The following CDH13 variants were observed in gnomAD, a reference collection of about 807,000 sequenced individuals.
CDH13 encodes the protein cadherin 13.
Under a neutral mutation model 63.8 loss-of-function variants are expected in CDH13, and 24 were observed. That is an observed-to-expected ratio of 0.38 (90% confidence interval 0.27 to 0.53). CDH13 has a LOEUF of 0.53. Ranked by LOEUF, CDH13 falls within the 20% of genes least tolerant of loss-of-function variation. The pLI, the probability that CDH13 is intolerant of heterozygous loss-of-function variation, is 0.85. For synonymous variants in CDH13, 503 were observed against 355.3 expected, an observed-to-expected ratio of 1.42 and a Z score of -4.67; for missense variants, 1,049 against 903.1, an observed-to-expected ratio of 1.16 and a Z score of -2.07.
chr16:82,884,248 G>A (rs540339179), intron 2 of CDH13: 6 of 453,886 alleles, frequency 1.3e-5, no homozygotes, highest in Admixed American at 7.1e-5. Flanking sequence ...GGGCTCCCAT[G>A]AGAAGGAAAT....
intron 1 of CDH13, chr16:82,723,128 C>G (rs2032881711): frequency 6.6e-6 from 1 of 152,272 alleles, no homozygotes; most frequent in Non-Finnish European, 1.5e-5. Context: ...GGGGAACAGT[C>G]TGGGGAAGGA....
At chr16:83,489,996 G>C (rs1019233300) in intron 7 of CDH13, among the ~76,000 whole-genome samples, 1 of 143,762 alleles carries the variant, frequency 7.0e-6, no homozygotes, top group Non-Finnish European at 1.5e-5. Flanking sequence ...TTCAAGAGCA[G>C]GAGCTGCAGA....
At chr16:83,207,020 T>G (rs931463819) in intron 4 of CDH13, among the ~76,000 whole-genome samples, 1 of 152,178 alleles carries the variant, frequency 6.6e-6, no homozygotes, top group Non-Finnish European at 1.5e-5. Context: ...AGCAAGGACA[T>G]AGAGGATCTG....
At chr16:83,344,631 A>G (rs1022871011) in intron 5 of CDH13, among the ~76,000 whole-genome samples, 2 of 152,266 alleles carry the variant, frequency 1.3e-5, no homozygotes, top group East Asian at 1.9e-4. Context: ...CGATTTGATG[A>G]ATTAATTGTA....
At chr16:83,784,768 CCACCACCATCAT>C (rs2151013528) in intron 13 of CDH13, among the ~76,000 whole-genome samples, 1 of 152,160 alleles carries the variant, frequency 6.6e-6, no homozygotes, top group Non-Finnish European at 1.5e-5. Context: ...GATGACTGTA[CCACCACCATCAT>C]CATCACCATC....
chr16:83,121,083 G>T (rs528047957), intron 3 of CDH13, among the ~76,000 whole-genome samples: 25 of 152,036 alleles, frequency 1.6e-4, no homozygotes, highest in Non-Finnish European at 3.1e-4. Context: ...TTTGTTTAGT[G>T]TTGGGTTCGT....
At chr16:83,187,042 C>T (rs766338197) in intron 4 of CDH13, among the ~76,000 whole-genome samples, 1 of 152,148 alleles carries the variant, frequency 6.6e-6, no homozygotes, top group East Asian at 1.9e-4. Context: ...GTGATCTCAG[C>T]TCACTGCAAC....
At chr16:82,789,488 G>A (rs1008795662) in intron 1 of CDH13, among the ~76,000 whole-genome samples, 5 of 152,142 alleles carry the variant, frequency 3.3e-5, no homozygotes, top group African/African-American at 7.2e-5. Flanking sequence ...GCTTTGAAAC[G>A]ACACTTCGCC....
chr16:83,034,046 T>C (rs143699062), intron 3 of CDH13, among the ~76,000 whole-genome samples: 20 of 152,104 alleles, frequency 1.3e-4, no homozygotes, highest in African/African-American at 4.8e-4. Flanking sequence ...AATGTGAGAG[T>C]TACCTTCCCG....
chr16:82,895,514 T>C lies in CDH13; in HGVS notation c.157+37041T>C, dbSNP rs577302449. On this transcript the variant is annotated intron_variant, in intron 2 of 13. Coordinates refer to ENST00000567109, the MANE Select transcript of CDH13 (RefSeq NM_001257.5). ...GTTTGTTACAATTGATGAACCCACA[T>C]TGACACACAATTACCAACCAAAGAT... is the stretch of plus-strand genomic sequence containing the variant. Among the ~76,000 whole-genome samples, 128 of 152,320 alleles carry C rather than the reference T, an allele frequency of 8.4e-4. 1 individual carries two copies. The South Asian group carries it at 0.017, about 20-fold the overall frequency.
chr16:83,120,763 C>CTTTTTTTTTTTTTTTTTTTTTTT (rs750711823), intron 3 of CDH13, among the ~76,000 whole-genome samples: 23 of 60,226 alleles, frequency 3.8e-4, no homozygotes, highest in East Asian at 1.1e-3. Context: ...AATTTTCTTT[C>CTTTTTTTTTTTTTTTTTTTTTTT]TTTTTTTTTT....
intron 4 of CDH13, among the ~76,000 whole-genome samples, chr16:83,162,160 G>A (rs2037475481): frequency 6.6e-6 from 1 of 152,082 alleles, no homozygotes; most frequent in African/African-American, 2.4e-5. Flanking sequence ...ACCAAGTACT[G>A]GAATCTGTTT....
intron 2 of CDH13, among the ~76,000 whole-genome samples, chr16:82,861,430 C>T (rs547496837): frequency 1.3e-5 from 2 of 152,184 alleles, no homozygotes; most frequent in African/African-American, 4.8e-5. Flanking sequence ...GCCTGACAGA[C>T]ATAGTATATC....
At chr16:82,836,624 T>C (rs1315264119) in intron 1 of CDH13, among the ~76,000 whole-genome samples, 1 of 152,148 alleles carries the variant, frequency 6.6e-6, no homozygotes, top group Non-Finnish European at 1.5e-5. Flanking sequence ...ATAATGGAAA[T>C]GACAGCGTCT....
At chr16:83,132,551 A>G (rs908700280) in intron 4 of CDH13, among the ~76,000 whole-genome samples, 1 of 148,346 alleles carries the variant, frequency 6.7e-6, no homozygotes, top group African/African-American at 2.5e-5. Context: ...AGCTTCAAGC[A>G]ATTCTCCTGC....
rs145281091 is a variant in CDH13, at chr16:83,683,436, A to G, written c.1538+4975A>G. Reference sequence around the variant, plus strand: ...TTGGATCTGTCTCCCTCAATCACGTATGTGAGTATTCTGTTTTTCATTACC... The same window carrying G: ...TTGGATCTGTCTCCCTCAATCACGTGTGTGAGTATTCTGTTTTTCATTACC... On this transcript the variant is annotated intron_variant, in intron 10 of 13. Coordinates refer to ENST00000567109, the MANE Select transcript of CDH13 (RefSeq NM_001257.5). 4.6e-3 allele frequency among the ~76,000 whole-genome samples: 696 copies of G among 152,326 alleles called. 5 individuals are homozygous for G. Among genetic ancestry groups the G allele is most frequent in the African/African-American group, 0.016 (655 of 41,592 alleles).
At chr16:82,938,507 A>T (rs1462555918) in intron 2 of CDH13, among the ~76,000 whole-genome samples, 1 of 152,158 alleles carries the variant, frequency 6.6e-6, no homozygotes, top group African/African-American at 2.4e-5. Context: ...GGTATTAGAA[A>T]CATGTCTCAG....
At chr16:83,052,140 G>A (rs1396344151) in intron 3 of CDH13, among the ~76,000 whole-genome samples, 3 of 152,044 alleles carry the variant, frequency 2.0e-5, no homozygotes, top group East Asian at 1.9e-4. Context: ...ATGTCCATAC[G>A]ACTTAATATT....
chr16:83,477,698 TCAA>T (rs1430809673), intron 6 of CDH13, among the ~76,000 whole-genome samples: 6 of 152,266 alleles, frequency 3.9e-5, no homozygotes, highest in Admixed American at 2.0e-4. Flanking sequence ...GGAGTACTCA[TCAA>T]CAACATCTAA....
Sources: gnomAD v4.1 joint callset for allele counts (sites outside exome capture counted in the v4.1 genomes callset) on GRCh38, gnomAD v4.1.1 for gene constraint, MANE v1.5 for transcripts, NCBI Gene and HGNC (gene_info 2026-07-23, HGNC 2026-07-21) for gene names.